Variants in SLC24A1 observed in about 807,000 individuals in gnomAD.
SLC24A1 encodes sodium/potassium/calcium exchanger 1.
Under a neutral mutation model 88.1 loss-of-function variants are expected in SLC24A1, and 52 were observed. The observed-to-expected ratio is 0.59, with a 90% CI of 0.47 to 0.74. SLC24A1 has a LOEUF of 0.74. Ranked by LOEUF, SLC24A1 falls within the 30% of genes least tolerant of loss-of-function variation. SLC24A1 has a pLI of 0.00. For synonymous variants in SLC24A1, 455 were observed against 498.0 expected (o/e 0.91, Z 1.15); for missense variants, 1,173 against 1,363.3 (o/e 0.86, Z 2.20).
downstream of SLC24A1, among the ~76,000 whole-genome samples, chr15:65,657,628 C>T (rs537491399): frequency 6.6e-6 from 1 of 152,110 alleles, no homozygotes; most frequent in African/African-American, 2.4e-5. Flanking sequence ...TGGGCAACAG[C>T]GAGACTCCGT....
At chr15:65,651,998 C>T in intron 8 of SLC24A1, 1 of 509,636 alleles carries the variant, frequency 2.0e-6, no homozygotes. Flanking sequence ...TGCCTGATTC[C>T]AGCTGAACTT....
rs1234411805 is a variant in SLC24A1 at position 65,625,766 on chromosome 15, C to G, written c.1686C>G (p.Val562=). The stretch of plus-strand genomic sequence containing the variant: ...CCTGGTGGCCCTTATTCCGTGATGT[C>G]TCCTTCTACATCCTTGACCTGATAA... ...NLTWWPLFRD[V]SFYILDLIML... The change falls in exon 2 of 10, where the codon GTC becomes GTG. Residue 562 remains valine (V), a synonymous_variant. Transcript: ENST00000261892. The G allele has an allele frequency of 6.2e-7, 1 of 1,613,916 alleles. No homozygotes were observed. The highest frequency in any genetic ancestry group is 8.5e-7 in the Non-Finnish European group (1 of 1,179,878).
intron 2 of SLC24A1, among the ~76,000 whole-genome samples, chr15:65,631,313 CAG>C (rs1391250682): frequency 6.6e-6 from 1 of 152,130 alleles, no homozygotes; most frequent in Non-Finnish European, 1.5e-5. Context: ...ATGCAACCAA[CAG>C]AATTTTTTTT....
intron 2 of SLC24A1, among the ~76,000 whole-genome samples, chr15:65,630,788 T>A (rs1222665795): frequency 6.6e-6 from 1 of 152,084 alleles, no homozygotes; most frequent in Non-Finnish European, 1.5e-5. Flanking sequence ...CTGGCCAACA[T>A]GGTGAATCCT....
chr15:65,636,544 T>C (rs1279423131), intron 2 of SLC24A1, among the ~76,000 whole-genome samples: 3 of 151,846 alleles, frequency 2.0e-5, no homozygotes, highest in Non-Finnish European at 4.4e-5. Context: ...ATTGTGCTAC[T>C]CCACTCCAGC....
At position 65,654,233 on chromosome 15, in the gene SLC24A1, T is replaced by A; in HGVS notation, c.*154T>A. ...ATGAATGTGATCTGAGACTAAAGTTTGTCCTTGGAAACACCTGCAGCTCAT... is the reference window on the plus strand; with the variant it reads ...ATGAATGTGATCTGAGACTAAAGTTAGTCCTTGGAAACACCTGCAGCTCAT... On this transcript the variant is annotated 3_prime_UTR_variant, in exon 10 of 10. Transcript: ENST00000261892. 8 of 1,426,864 alleles carry A rather than the reference T, an allele frequency of 5.6e-6. No individual in the cohort carries two copies. Among genetic ancestry groups the A allele is most frequent in the Middle Eastern group, 2.1e-4 (1 of 4,742 alleles). 88.4% of individuals were successfully genotyped at this position (1,426,864 alleles called of 1,614,324 possible).
chr15:65,649,167 A>G (rs944839122), intron 6 of SLC24A1, among the ~76,000 whole-genome samples: 2 of 152,106 alleles, frequency 1.3e-5, no homozygotes, highest in African/African-American at 4.8e-5. Context: ...GCGTGACACA[A>G]TCTCAGCTCA....
intron 4 of SLC24A1, chr15:65,644,046 G>A (rs1347300052): frequency 9.2e-6 from 2 of 216,946 alleles, no homozygotes; most frequent in East Asian, 2.2e-4. Context: ...TTTCTACAAA[G>A]TTTGGGTCAG....
upstream of SLC24A1, among the ~76,000 whole-genome samples, chr15:65,621,590 C>T (rs1246745407): frequency 2.0e-5 from 3 of 152,316 alleles, no homozygotes; most frequent in Non-Finnish European, 2.9e-5. Flanking sequence ...AGTAGCAAGT[C>T]GAGCCTAATG....
rs1015238690 is a variant in SLC24A1, at chr15:65,656,101, A to C, written c.*2022A>C. On this transcript the variant is annotated 3_prime_UTR_variant, in exon 10 of 10. Transcript: ENST00000261892. ...TTCTGGGCACTAACCTGGTGTCTGC[A>C]GCCCGTTCCCGTTAGCCTCGGGGAT... 2.7e-5 allele frequency: 27 copies of C among 985,364 alleles called. No homozygotes were observed. The highest frequency in any genetic ancestry group is 5.2e-4 in the Middle Eastern group (1 of 1,936). 61.0% of individuals were successfully genotyped at this position (985,364 alleles called of 1,614,324 possible).
chr15:65,626,077 C>A, intron 2 of SLC24A1, 107 bp downstream of exon 2: 2 of 803,464 alleles, frequency 2.5e-6, no homozygotes, highest in Non-Finnish European at 4.4e-6. Flanking sequence ...GAGATGAATG[C>A]TCTGGTTCCC....
intron 2 of SLC24A1, 146 bp from the exon 3 acceptor site, chr15:65,637,982 T>C (rs150715025): frequency 3.1e-4 from 208 of 674,502 alleles, no homozygotes; most frequent in Non-Finnish European, 4.2e-4. Context: ...ACTGGAGGGA[T>C]GGAACATGTT....
chr15:65,630,265 C>T (rs576316016), intron 2 of SLC24A1, among the ~76,000 whole-genome samples: 1 of 152,314 alleles, frequency 6.6e-6, no homozygotes, highest in South Asian at 2.1e-4. Context: ...GCTGGGATTA[C>T]AGGTGTGAGC....
chr15:65,656,402 G>A (rs896154290), downstream of SLC24A1: 2 of 244,820 alleles, frequency 8.2e-6, no homozygotes, highest in African/African-American at 2.3e-5. Flanking sequence ...TTCACTGGGG[G>A]AGAGAGTGAG....
downstream of SLC24A1, among the ~76,000 whole-genome samples, chr15:65,656,679 T>C (rs1255716096): frequency 6.6e-6 from 1 of 152,190 alleles, no homozygotes; most frequent in Admixed American, 6.5e-5. Flanking sequence ...CAAATGGGTA[T>C]TTGAATTGGA....
At position 65,652,814 on chromosome 15, in the gene SLC24A1, T is replaced by G. The variant is rs2141727635; in HGVS notation, c.3050+6T>G. 1 of 1,587,642 alleles carries G rather than the reference T, an allele frequency of 6.3e-7. No homozygotes were observed. The highest frequency in any genetic ancestry group is 8.6e-7 in the Non-Finnish European group (1 of 1,161,762). The stretch of plus-strand genomic sequence containing the variant: ...ATATTTGATATCACTGTGGGGTGAG[T>G]GGCAATGTAACTTTCTAAGGGGTGT... On this transcript the variant is annotated splice_donor_region_variant and intron_variant, in intron 9 of 9. Coordinates refer to ENST00000261892, the MANE Select transcript of SLC24A1 (RefSeq NM_004727.3).
intron 2 of SLC24A1, among the ~76,000 whole-genome samples, chr15:65,630,033 C>T (rs868794810): frequency 6.6e-6 from 1 of 152,174 alleles, no homozygotes; most frequent in African/African-American, 2.4e-5. Context: ...GGCTCAAGCA[C>T]GACTCACTAC....
intron 5 of SLC24A1, 135 bp from the exon 6 acceptor site, chr15:65,645,477 C>G (rs1007539686): frequency 2.8e-6 from 2 of 712,150 alleles, no homozygotes; most frequent in African/African-American, 1.8e-5. Flanking sequence ...TTCCTACCAA[C>G]AAGAAATTCC....
In SLC24A1 at chr15:65,639,611, C is replaced by G; in HGVS notation, c.1961C>G (p.Thr654Ser). The change falls in exon 4 of 10, where the codon ACC becomes AGC. Residue 654 changes from threonine (T) to serine (S), a missense_variant. Physicochemically the swap from Thr to Ser is moderately conservative, Grantham distance 58. Transcript: ENST00000261892. ...CTTGCTCAGCTCCCGTCCTTGCTGA[C>G]CCGAGGGAGCAGCTCGACCTCTCTG... ...NKKLKLPSLLTRGSSSTSLHN... is the reference protein window; with the variant it reads ...NKKLKLPSLLSRGSSSTSLHN... The G allele has an allele frequency of 6.2e-7, 1 of 1,610,078 alleles. No homozygotes were observed. The highest frequency in any genetic ancestry group is 8.5e-7 in the Non-Finnish European group (1 of 1,178,326).
Sources: gnomAD v4.1 joint callset for allele counts (sites outside exome capture counted in the v4.1 genomes callset) on GRCh38, gnomAD v4.1.1 for gene constraint, MANE v1.5 for transcripts, NCBI Gene and HGNC (gene_info 2026-07-23, HGNC 2026-07-21) for gene names.